MMP28: variants seen among roughly 807,000 people sequenced by gnomAD.
MMP28 encodes matrix metalloproteinase-28.
A neutral mutation model predicts 60.5 loss-of-function variants in MMP28; 55 were observed. The ratio of observed to expected loss-of-function variants is 0.91; its 90% confidence interval spans 0.73 to 1.14. The LOEUF (loss-of-function observed/expected upper bound fraction) is 1.14, where lower values mean the gene tolerates loss of function less well. Among genes scored for constraint, MMP28 ranks in the 50% most tolerant of loss-of-function variants. MMP28 has a pLI of 0.00. For synonymous variants in MMP28, 318 were observed against 312.5 expected (o/e 1.02, Z -0.18); for missense variants, 686 against 738.3 (o/e 0.93, Z 0.82).
intron 4 of MMP28, among the ~76,000 whole-genome samples, chr17:35,771,997 C>T (rs1477206253): frequency 2.6e-5 from 4 of 151,802 alleles, no homozygotes; most frequent in Non-Finnish European, 4.4e-5. Flanking sequence ...TGCCTAGAAG[C>T]TTGTCGAGGG....
intron 3 of MMP28, among the ~76,000 whole-genome samples, chr17:35,776,919 C>G (rs1287293524): frequency 6.6e-6 from 1 of 152,018 alleles, no homozygotes; most frequent in Non-Finnish European, 1.5e-5. Context: ...GAGAGAGATG[C>G]TCGAAATTGT....
intron 1 of MMP28, among the ~76,000 whole-genome samples, chr17:35,790,409 T>C (rs1460604285): frequency 3.3e-5 from 5 of 152,190 alleles, no homozygotes; most frequent in Non-Finnish European, 5.9e-5. Context: ...ACTTATTTTA[T>C]GGCCCAGCCT....
intron 5 of MMP28, among the ~76,000 whole-genome samples, chr17:35,769,611 AG>A (rs757309143): frequency 6.6e-6 from 1 of 152,006 alleles, no homozygotes; most frequent in Non-Finnish European, 1.5e-5. Flanking sequence ...CTTTGGGGAT[AG>A]GGGGCATCAG....
intron 2 of MMP28, 61 bp from the exon 3 acceptor site, chr17:35,779,136 T>G (rs2086423638): frequency 1.3e-6 from 2 of 1,579,484 alleles, no homozygotes; most frequent in African/African-American, 2.7e-5. Flanking sequence ...CAGGGAAGTC[T>G]GCCTCCCTGG....
intron 1 of MMP28, among the ~76,000 whole-genome samples, chr17:35,790,762 C>T (rs1038237841): frequency 2.0e-5 from 3 of 152,084 alleles, no homozygotes; most frequent in African/African-American, 7.2e-5. Flanking sequence ...CCAAGGCAGG[C>T]AGATCATTTG....
At chr17:35,771,696 A>AATATATATAAAT in intron 4 of MMP28, among the ~76,000 whole-genome samples, 1 of 50,610 alleles carries the variant, frequency 2.0e-5, no homozygotes, top group Admixed American at 2.2e-4. Flanking sequence ...TATAGAAGTG[A>AATATATATAAAT]ATATATATAT....
At chr17:35,771,009 C>A (rs62078169) in intron 4 of MMP28, among the ~76,000 whole-genome samples, 1 of 152,162 alleles carries the variant, frequency 6.6e-6, no homozygotes. Flanking sequence ...GCTGTGATTG[C>A]GCCACTACAC....
At chr17:35,758,355 C>A (rs1002625849) in intron 2 of MMP28, 7 of 152,188 alleles carry the variant, frequency 4.6e-5, no homozygotes, top group Admixed American at 1.3e-4. Flanking sequence ...TGCTTGCTCT[C>A]ATGTTTTCAA....
At chr17:35,794,405 C>T (rs930518349) in intron 1 of MMP28, among the ~76,000 whole-genome samples, 1 of 151,934 alleles carries the variant, frequency 6.6e-6, no homozygotes, top group African/African-American at 2.4e-5. Context: ...GCCACTACGT[C>T]TGGCTAATTT....
chr17:35,771,802 C>T (rs558601364), intron 4 of MMP28, among the ~76,000 whole-genome samples: 8 of 143,306 alleles, frequency 5.6e-5, no homozygotes, highest in African/African-American at 1.8e-4. Context: ...TGGGGGGCCT[C>T]TCTCTACTTC....
intron 1 of MMP28, among the ~76,000 whole-genome samples, chr17:35,780,287 T>G (rs966344165): frequency 6.6e-6 from 1 of 151,970 alleles, no homozygotes; most frequent in African/African-American, 2.4e-5. Flanking sequence ...AGGCTAGTCT[T>G]GAACTCCTGA....
In MMP28 at chr17:35,789,958, C is replaced by T. The variant is rs1333056470; in HGVS notation, c.111+5309G>A. On this transcript the variant is annotated intron_variant, in intron 1 of 7. Coordinates refer to ENST00000605424, the MANE Select transcript of MMP28 (RefSeq NM_024302.5). ...TGTATTTTTAGTAGAGACGGGGTTT[C>T]ACAATGTTGGCCAGGCTAGTCTCGA... Among the ~76,000 whole-genome samples, 5 of 150,622 alleles carry T rather than the reference C, an allele frequency of 3.3e-5. No homozygotes were observed. In the East Asian group the frequency reaches 9.8e-4, roughly 30 times the overall value.
At chr17:35,793,999 G>A (rs2086890160) in intron 1 of MMP28, among the ~76,000 whole-genome samples, 1 of 151,984 alleles carries the variant, frequency 6.6e-6, no homozygotes, top group Non-Finnish European at 1.5e-5. Context: ...TTGGGAGGCT[G>A]AGGCAGGAGA....
At position 35,767,784 on chromosome 17, in the gene MMP28, G is replaced by T. The variant is rs2085990352; in HGVS notation, c.1136C>A (p.Ser379Ter). The stretch of plus-strand genomic sequence containing the variant: ...GAAGTAGAAATCTCCATCATTCAAT[G>T]ACACTGCCGCAGCCTCAATGTTGGG... The part of the protein sequence containing the change: ...LPPNIEAAAV[S>*]LNDGDFYFFK... The change falls in exon 7 of 8, where the codon TCA (serine) becomes TAA (stop). Residue 379 changes from serine (S) to a stop codon, truncating the protein, a stop_gained. Coordinates refer to ENST00000605424, the MANE Select transcript of MMP28 (RefSeq NM_024302.5). LOFTEE classifies it high-confidence loss of function. The T allele has an allele frequency of 1.3e-6, 2 of 1,582,472 alleles. No homozygotes were observed. The highest frequency in any genetic ancestry group is 1.7e-6 in the Non-Finnish European group (2 of 1,164,710).
intron 3 of MMP28, among the ~76,000 whole-genome samples, chr17:35,775,896 C>T (rs1364336287): frequency 1.3e-5 from 2 of 152,110 alleles, no homozygotes; most frequent in East Asian, 1.9e-4. Flanking sequence ...TTTTTTGAGA[C>T]GGAGTCTTGC....
Position 35,795,276 on chromosome 17 carries a change from C to A in MMP28, c.102G>T (p.Lys34Asn). ...GGTACACACGGCGTACCTCCGCCTC[C>A]TTGCGCAGCTCCTGGCCTCCGCGCT... ...PAERGGQELR[K>N]EAEAFLEKYG... is the part of the protein sequence containing the mutation. The change falls in exon 1 of 8, where the codon AAG (lysine) becomes AAT (asparagine). Residue 34 changes from lysine to asparagine, a missense_variant. Lys to Asn is a moderately conservative substitution (Grantham distance 94, BLOSUM62 0). Transcript: ENST00000605424. 1 of 1,445,304 alleles carries A rather than the reference C, an allele frequency of 6.9e-7. No homozygotes were observed. Among genetic ancestry groups the A allele is most frequent in the Non-Finnish European group, 9.1e-7 (1 of 1,098,008 alleles). The allele number at this position is 1,445,304 out of a possible 1,614,324, so 89.5% of individuals were successfully genotyped here.
At chr17:35,795,031 G>A (rs2086927168) in intron 1 of MMP28, among the ~76,000 whole-genome samples, 1 of 152,204 alleles carries the variant, frequency 6.6e-6, no homozygotes, top group African/African-American at 2.4e-5. Context: ...CGTCTGTCCG[G>A]TCTCGTCTCT....
At chr17:35,782,812 A>G (rs2086543601) in intron 1 of MMP28, among the ~76,000 whole-genome samples, 1 of 151,314 alleles carries the variant, frequency 6.6e-6, no homozygotes, top group African/African-American at 2.4e-5. Context: ...ATGGCTGGGG[A>G]CAAATTATTT....
chr17:35,783,929 C>G (rs1186657086), intron 1 of MMP28, among the ~76,000 whole-genome samples: 1 of 152,100 alleles, frequency 6.6e-6, no homozygotes, highest in Non-Finnish European at 1.5e-5. Context: ...ACGAGCCAAG[C>G]AGAGCCACTG....
Sources: gnomAD v4.1 joint callset for allele counts (sites outside exome capture counted in the v4.1 genomes callset) on GRCh38, gnomAD v4.1.1 for gene constraint, MANE v1.5 for transcripts, NCBI Gene and HGNC (gene_info 2026-07-23, HGNC 2026-07-21) for gene names.